The following FADS3 variants were observed in gnomAD, a reference collection of about 807,000 sequenced individuals.
The protein encoded by FADS3 is fatty acid desaturase 3.
In FADS3, 30 loss-of-function variants were observed where a neutral mutation model predicts 60.4. The observed-to-expected ratio is 0.50, with a 90% confidence interval of 0.37 to 0.67. The LOEUF (loss-of-function observed/expected upper bound fraction) is 0.67. FADS3 is among the 30% of genes least tolerant of loss of function. The pLI is 0.00. For missense variants in FADS3, 432 were observed against 598.3 expected, an observed-to-expected ratio of 0.72 and a Z score of 2.90; for synonymous variants, 234 against 249.3, an observed-to-expected ratio of 0.94 and a Z score of 0.58.
In FADS3 at chr11:61,885,531, G is replaced by C. The variant is rs542548172; in HGVS notation, c.214-5380C>G. The stretch of plus-strand genomic sequence containing the variant: ...TTAGAGGTAAGTGCCTGCAGGAGGG[G>C]CCTACAGGTGTCAGGGAAGAGAGTG... On this transcript the variant is annotated intron_variant, in intron 1 of 11. Transcript: ENST00000278829. 3.3e-5 allele frequency among the ~76,000 whole-genome samples: 5 copies of C among 152,344 alleles called. No individual in the cohort carries two copies. The South Asian group carries it at 1.0e-3, about 32-fold the overall frequency.
chr11:61,876,331 CA>C lies in FADS3; in HGVS notation c.1080+27del. ...CCTAGCTGGGACCCCCCACCCCACC[CA>C]GGATGGGCCCCACCCCTGCTGCCCA... On this transcript the variant is annotated intron_variant, in intron 9 of 11. Coordinates refer to ENST00000278829, the MANE Select transcript of FADS3 (RefSeq NM_021727.5). This position sits in a 1 kb window ranked among gnomAD's most constrained non-coding sequence, Gnocchi z 5.7. 6.2e-7 allele frequency: 1 copy of C among 1,606,244 alleles called. No homozygotes were observed. The highest frequency in any genetic ancestry group is 2.2e-5 in the East Asian group (1 of 44,760).
rs1354020863 is a variant in FADS3, at chr11:61,878,891, C to A, written c.523-44G>T. 4.4e-6 allele frequency: 7 copies of A among 1,574,916 alleles called. No homozygotes were observed. In the African/African-American group the frequency reaches 9.5e-5, roughly 21 times the overall value. The stretch of plus-strand genomic sequence containing the variant: ...TCAGAAGCTGTTGGGAAGGACGGAG[C>A]CCGCCAGGGCCTGGGGCCCCAGTGA... On this transcript the variant is annotated intron_variant, in intron 3 of 11. Coordinates refer to ENST00000278829, the MANE Select transcript of FADS3 (RefSeq NM_021727.5).
upstream of FADS3, chr11:61,891,859 C>T (rs1198988076): frequency 6.6e-6 from 1 of 152,228 alleles, no homozygotes; most frequent in Non-Finnish European, 1.5e-5. Flanking sequence ...CAACACGCAC[C>T]TGTTGGGCGT....
At position 61,878,534 on chromosome 11, in the gene FADS3, A is replaced by C; in HGVS notation, c.725T>G (p.Leu242Arg). ...DPDVTVAPVF[L>R]LGESSVEYGK... ...CACCTCGACGGATGACTCCCCCAGG[A>C]GGAAGACGGGCGCCACCGTCACGTC... The change falls in exon 5 of 12, where the codon CTC becomes CGC. Residue 242 changes from leucine to arginine, a missense_variant. Leu to Arg is a moderately radical substitution (Grantham distance 102, BLOSUM62 -2). Coordinates refer to ENST00000278829, the MANE Select transcript of FADS3 (RefSeq NM_021727.5). 6.2e-7 allele frequency: 1 copy of C among 1,614,112 alleles called. No individual in the cohort carries two copies. Among genetic ancestry groups the C allele is most frequent in the Non-Finnish European group, 8.5e-7 (1 of 1,179,994 alleles).
At chr11:61,874,526 T>G (rs947497446) in intron 11 of FADS3, among the ~76,000 whole-genome samples, 1 of 152,114 alleles carries the variant, frequency 6.6e-6, no homozygotes, top group African/African-American at 2.4e-5. Context: ...GGCTGCAGTG[T>G]CCTCTGCTCT....
Position 61,873,680 on chromosome 11 carries a change from G to T in FADS3, c.*134C>A. 1 of 711,224 alleles carries T rather than the reference G, an allele frequency of 1.4e-6. No individual in the cohort carries two copies. 44.1% of individuals were successfully genotyped at this position (711,224 alleles called of 1,614,324 possible). A position where few individuals can be genotyped will look rare whatever the true frequency, so the allele number is the denominator to read the frequency against. On this transcript the variant is annotated 3_prime_UTR_variant, in exon 12 of 12. Coordinates refer to ENST00000278829, the MANE Select transcript of FADS3 (RefSeq NM_021727.5). ...AATACACATGTGAGGGGGCCGAGGG[G>T]AAGACAACAGTACCAGGAGGGCAGG... is the stretch of plus-strand genomic sequence containing the variant.
intron 1 of FADS3, among the ~76,000 whole-genome samples, chr11:61,885,487 C>G (rs1030065572): frequency 6.6e-6 from 1 of 152,212 alleles, no homozygotes; most frequent in Non-Finnish European, 1.5e-5. Context: ...CCCTGATGAG[C>G]CTCCTCCTGA....
chr11:61,878,447 C>G (rs1937995192), intron 5 of FADS3, 65 bp downstream of exon 5: 2 of 1,576,624 alleles, frequency 1.3e-6, no homozygotes, highest in Admixed American at 3.4e-5. Context: ...AGTGGGGACC[C>G]AGTGCATTAG....
At position 61,877,023 on chromosome 11, in the gene FADS3, C is replaced by T; in HGVS notation, c.886-60G>A. 3 of 1,293,650 alleles carry T rather than the reference C, an allele frequency of 2.3e-6. No homozygotes were observed. The highest frequency in any genetic ancestry group is 3.2e-6 in the Non-Finnish European group (3 of 941,264). The allele number at this position is 1,293,650 out of a possible 1,614,324, so 80.1% of individuals were successfully genotyped here. A position where few individuals can be genotyped will look rare whatever the true frequency, so the allele number is the denominator to read the frequency against. ...TCCAGGTGCCCGGAGGTCTGGAGGC[C>T]TGGTGGGTGGGAGGAGGACCTCAGG... On this transcript the variant is annotated intron_variant, in intron 7 of 11. Transcript: ENST00000278829. This position sits in a 1 kb window ranked among gnomAD's most constrained non-coding sequence, Gnocchi z 4.7.
At chr11:61,889,209 A>C (rs1323593155) in intron 1 of FADS3, among the ~76,000 whole-genome samples, 1 of 151,812 alleles carries the variant, frequency 6.6e-6, no homozygotes, top group African/African-American at 2.4e-5. Context: ...AGATGTTTTT[A>C]AAACAGATAT....
chr11:61,887,497 A>C (rs1938356701), intron 1 of FADS3, among the ~76,000 whole-genome samples: 1 of 152,172 alleles, frequency 6.6e-6, no homozygotes, highest in South Asian at 2.1e-4. Context: ...CTTTAAAATA[A>C]AGCCAAAGTC....
At position 61,877,207 on chromosome 11, in the gene FADS3, T is replaced by A; in HGVS notation, c.886-244A>T. On this transcript the variant is annotated intron_variant, in intron 7 of 11. Transcript: ENST00000278829. This position sits in a 1 kb window ranked among gnomAD's most constrained non-coding sequence, Gnocchi z 4.7. ...ATGCAGGGTGTGTTGGGGAAGACCC[T>A]GCCAGGGACACAGATGCCTGGCAGA... 1.8e-6 allele frequency: 1 copy of A among 552,192 alleles called. No individual in the cohort carries two copies. Among genetic ancestry groups the A allele is most frequent in the Non-Finnish European group, 3.2e-6 (1 of 307,850 alleles). The allele number at this position is 552,192 out of a possible 1,614,324, so 34.2% of individuals were successfully genotyped here.
chr11:61,886,589 T>G (rs1426129545), intron 1 of FADS3, among the ~76,000 whole-genome samples: 1 of 152,000 alleles, frequency 6.6e-6, no homozygotes, highest in Non-Finnish European at 1.5e-5. Context: ...CCTAGTCCTG[T>G]CCCTCCCCAG....
chr11:61,885,298 G>A (rs1346394156), intron 1 of FADS3, among the ~76,000 whole-genome samples: 1 of 152,154 alleles, frequency 6.6e-6, no homozygotes, highest in Non-Finnish European at 1.5e-5. Flanking sequence ...CCAGGAGCCA[G>A]GGAGCCCCAG....
Position 61,878,836 on chromosome 11 carries a change from C to T in FADS3, c.534G>A (p.Trp178Ter). 6.2e-7 allele frequency: 1 copy of T among 1,614,096 alleles called. No individual in the cohort carries two copies. The highest frequency in any genetic ancestry group is 8.5e-7 in the Non-Finnish European group (1 of 1,179,964). The change falls in exon 4 of 12, where the codon TGG (tryptophan) becomes TGA (stop). Residue 178 changes from tryptophan to a stop codon, truncating the protein, a stop_gained. Coordinates refer to ENST00000278829, the MANE Select transcript of FADS3 (RefSeq NM_021727.5). LOFTEE classifies it high-confidence loss of function. The stretch of plus-strand genomic sequence containing the variant: ...CATGGCCCAGGTCATGCTGCAGACA[C>T]CAGGACTGAGCCTGGGGAGAGAGGC... Reference protein sequence around the residue: ...FILAISQAQSWCLQHDLGHAS... With the variant: ...FILAISQAQS
At position 61,876,769 on chromosome 11, in the gene FADS3, G is replaced by T; in HGVS notation, c.983+97C>A. ...AGCAAGCCAGGGAGGCAGTACCACT[G>T]GCCCCATTCTGCAGACGGGAAAAGG... On this transcript the variant is annotated intron_variant, in intron 8 of 11. Coordinates refer to ENST00000278829, the MANE Select transcript of FADS3 (RefSeq NM_021727.5). This position sits in a 1 kb window ranked among gnomAD's most constrained non-coding sequence, Gnocchi z 5.7. 1.0e-6 allele frequency: 1 copy of T among 966,984 alleles called. No homozygotes were observed. The allele number at this position is 966,984 out of a possible 1,614,324, so 59.9% of individuals were successfully genotyped here.
chr11:61,891,158 G>A lies in FADS3; in HGVS notation c.213+11C>T, dbSNP rs1356585327. On this transcript the variant is annotated intron_variant, in intron 1 of 11. Transcript: ENST00000278829. ...ACCCGCCGGTGGGTGGCTTCCTTAT[G>A]GCTTCCTTACCGTGGCGTCCTCAGC... The A allele has an allele frequency of 6.4e-7, 1 of 1,555,432 alleles. No individual in the cohort carries two copies. The highest frequency in any genetic ancestry group is 8.7e-7 in the Non-Finnish European group (1 of 1,149,364).
At chr11:61,891,698 C>T (rs1485783352), upstream of FADS3, among the ~76,000 whole-genome samples, 1 of 151,794 alleles carries the variant, frequency 6.6e-6, no homozygotes, top group East Asian at 1.9e-4. Flanking sequence ...CTCCATTGGC[C>T]GCCAGGGAGG....
In FADS3 at chr11:61,891,234, G is replaced by A. The variant is rs1431002049; in HGVS notation, c.148C>T (p.Arg50Cys). ...VIERRVYDIS[R>C]WAQRHPGGSR... ...CCCCCTGGGTGCCGCTGTGCCCAGCGGCTGATGTCGTAGACGCGGCGCTCG... is the reference window on the plus strand; with the variant it reads ...CCCCCTGGGTGCCGCTGTGCCCAGCAGCTGATGTCGTAGACGCGGCGCTCG... Residue 50 changes from arginine to cysteine, a missense_variant, in exon 1 of 12, where the codon CGC becomes TGC. By Grantham distance (180) the Arg-to-Cys change is radical. Transcript: ENST00000278829. The A allele has an allele frequency of 6.4e-7, 1 of 1,550,880 alleles. No individual in the cohort carries two copies. The highest frequency in any genetic ancestry group is 1.2e-5 in the South Asian group (1 of 84,478).
Sources: allele counts gnomAD v4.1 joint callset (sites outside exome capture counted in the v4.1 genomes callset), GRCh38; gene constraint gnomAD v4.1.1; non-coding constraint Gnocchi (gnomAD v3.1); transcripts MANE v1.5; gene names NCBI Gene and HGNC (gene_info 2026-07-23, HGNC 2026-07-21).